Variants in BASP1 observed in about 807,000 individuals in gnomAD.
BASP1 encodes the protein brain acid soluble protein 1.
A neutral mutation model predicts 2.2 loss-of-function variants in BASP1; 1 was observed. The ratio of observed to expected loss-of-function variants is 0.46; its 90% CI spans 0.16 to 2.17. BASP1 has a LOEUF of 2.17. BASP1 is among the 30% of genes most tolerant of loss of function. The probability of loss-of-function intolerance (pLI) is 0.27; values close to 1 mark genes in which losing one functional copy is unlikely to be tolerated. For missense variants in BASP1, 352 were observed against 327.2 expected, an observed-to-expected ratio of 1.08 and a Z score of -0.58; for synonymous variants, 187 against 154.2, an observed-to-expected ratio of 1.21 and a Z score of -1.58.
chr5:17,241,441 A>T (rs1161049347), intron 1 of BASP1, among the ~76,000 whole-genome samples: 1 of 152,144 alleles, frequency 6.6e-6, no homozygotes, highest in Non-Finnish European at 1.5e-5. Flanking sequence ...GGTGGGGTGG[A>T]TTCTATTATT....
At chr5:17,229,863 A>T (rs1739593917) in intron 1 of BASP1, among the ~76,000 whole-genome samples, 1 of 148,986 alleles carries the variant, frequency 6.7e-6, no homozygotes, top group Admixed American at 6.8e-5. Flanking sequence ...GGCTCACTGC[A>T]ACCTCTGCCT....
intron 1 of BASP1, among the ~76,000 whole-genome samples, chr5:17,271,096 G>A (rs943911176): frequency 1.3e-5 from 2 of 152,068 alleles, no homozygotes; most frequent in South Asian, 4.1e-4. Flanking sequence ...TTGTGGCATC[G>A]AGTTTTCTTT....
At chr5:17,270,010 A>AT (rs1315348725) in intron 1 of BASP1, among the ~76,000 whole-genome samples, 1 of 151,984 alleles carries the variant, frequency 6.6e-6, no homozygotes, top group East Asian at 1.9e-4. Flanking sequence ...CTTTATTTTT[A>AT]TTTTTTGAGA....
chr5:17,253,787 T>A (rs1206797423), intron 1 of BASP1, among the ~76,000 whole-genome samples: 1 of 152,184 alleles, frequency 6.6e-6, no homozygotes, highest in South Asian at 2.1e-4. Flanking sequence ...GACTGGAATC[T>A]GTGATCAAGG....
intron 1 of BASP1, among the ~76,000 whole-genome samples, chr5:17,264,217 A>G (rs181433594): frequency 6.6e-6 from 1 of 152,348 alleles, no homozygotes; most frequent in Admixed American, 6.5e-5. Context: ...TTCTTCTGAC[A>G]GTATTGAAAA....
intron 1 of BASP1, among the ~76,000 whole-genome samples, chr5:17,244,043 T>C (rs1739927134): frequency 1.3e-5 from 2 of 152,376 alleles, no homozygotes; most frequent in South Asian, 2.1e-4. Flanking sequence ...ATTGATATTT[T>C]AGGTTCTTAA....
intron 1 of BASP1, among the ~76,000 whole-genome samples, chr5:17,257,720 A>G (rs1335471521): frequency 6.6e-6 from 1 of 152,154 alleles, no homozygotes; most frequent in Non-Finnish European, 1.5e-5. Flanking sequence ...ACTTATTGGC[A>G]AGCCATCAAA....
intron 1 of BASP1, among the ~76,000 whole-genome samples, chr5:17,269,271 C>T (rs1022505488): frequency 1.3e-5 from 2 of 152,136 alleles, no homozygotes; most frequent in African/African-American, 2.4e-5. Context: ...TGCCAATAAA[C>T]GAAAGAAAGA....
At chr5:17,245,567 T>G (rs977247868) in intron 1 of BASP1, among the ~76,000 whole-genome samples, 1 of 152,162 alleles carries the variant, frequency 6.6e-6, no homozygotes, top group Non-Finnish European at 1.5e-5. Flanking sequence ...CACTCTTACC[T>G]CAGCAATTTA....
rs190686311 is a variant in BASP1, at chr5:17,230,980, T to C, written c.-10+13170T>C. Among the ~76,000 whole-genome samples the C allele has an allele frequency of 2.0e-5, 3 of 146,900 alleles. No homozygotes were observed. In the East Asian group the frequency reaches 5.9e-4, roughly 29 times the overall value. ...TACGTTAACTCTGGCAATACAAATA[T>C]TGCCTCATGAATCCCCAGTGAAATT... On this transcript the variant is annotated intron_variant, in intron 1 of 1. Transcript: ENST00000322611.
At chr5:17,250,495 A>G (rs1740080388) in intron 1 of BASP1, among the ~76,000 whole-genome samples, 1 of 152,248 alleles carries the variant, frequency 6.6e-6, no homozygotes, top group Non-Finnish European at 1.5e-5. Context: ...AAGTGATTCT[A>G]TACTCCAAAT....
chr5:17,231,393 C>T (rs1739630578), intron 1 of BASP1, among the ~76,000 whole-genome samples: 1 of 152,118 alleles, frequency 6.6e-6, no homozygotes, highest in Non-Finnish European at 1.5e-5. Context: ...TGGATCACTG[C>T]CCTAATACTC....
chr5:17,275,327 G>A lies in BASP1; in HGVS notation c.111G>A (p.Pro37=), dbSNP rs767716479. The part of the protein sequence containing the change: ...EGAATEEEGT[P]KESEPQAAAE... ...CGGCGACGGAAGAGGAGGGGACCCCGAAGGAGAGTGAGCCCCAGGCGGCCG... is the reference window on the plus strand; with the variant it reads ...CGGCGACGGAAGAGGAGGGGACCCCAAAGGAGAGTGAGCCCCAGGCGGCCG... The change falls in exon 2 of 2, where the codon CCG becomes CCA. Residue 37 remains proline (P), a synonymous_variant. Transcript: ENST00000322611. This position sits in a 1 kb window ranked among gnomAD's most constrained non-coding sequence, Gnocchi z 5.3. 2.8e-5 allele frequency: 45 copies of A among 1,611,726 alleles called. No homozygotes were observed. The highest frequency in any genetic ancestry group is 3.6e-5 in the Non-Finnish European group (42 of 1,179,164).
chr5:17,240,558 A>G (rs906859752), intron 1 of BASP1: 1 of 152,120 alleles, frequency 6.6e-6, no homozygotes, highest in Non-Finnish European at 1.5e-5. Flanking sequence ...AAAATAAAAT[A>G]ATAAAATAAA....
intron 1 of BASP1, among the ~76,000 whole-genome samples, chr5:17,257,532 C>G (rs1264040564): frequency 1.3e-5 from 2 of 152,118 alleles, no homozygotes; most frequent in Non-Finnish European, 2.9e-5. Context: ...GAACTATATC[C>G]TTTACTGCAA....
chr5:17,240,096 C>A (rs939976423), intron 1 of BASP1, among the ~76,000 whole-genome samples: 1 of 150,426 alleles, frequency 6.6e-6, no homozygotes, highest in East Asian at 1.9e-4. Flanking sequence ...GGGATTAGTG[C>A]TCTTATAGAA....
At chr5:17,217,163 G>A, upstream of BASP1, 1 of 130,714 alleles carries the variant, frequency 7.7e-6, no homozygotes, top group Non-Finnish European at 1.6e-5. Context: ...GGGGAAGGGG[G>A]ACGCAGGAAT....
At chr5:17,240,611 G>A (rs1739843570) in intron 1 of BASP1, 1 of 152,054 alleles carries the variant, frequency 6.6e-6, no homozygotes, top group African/African-American at 2.4e-5. Flanking sequence ...GAGAAATAAT[G>A]TGCCCACTTC....
chr5:17,259,122 G>C (rs1453109137), intron 1 of BASP1, among the ~76,000 whole-genome samples: 1 of 152,198 alleles, frequency 6.6e-6, no homozygotes, highest in Non-Finnish European at 1.5e-5. Flanking sequence ...CACATGGCTA[G>C]GGAGGCCTCA....
Sources: allele counts gnomAD v4.1 joint callset (sites outside exome capture counted in the v4.1 genomes callset), GRCh38; gene constraint gnomAD v4.1.1; non-coding constraint Gnocchi (gnomAD v3.1); transcripts MANE v1.5; gene names NCBI Gene and HGNC (gene_info 2026-07-23, HGNC 2026-07-21).